KCNJ6: variants seen among roughly 807,000 people sequenced by gnomAD.
KCNJ6 encodes potassium inwardly rectifying channel subfamily J member 6.
In KCNJ6, 9 loss-of-function variants were observed where a neutral mutation model predicts 34.2. The ratio of observed to expected loss-of-function variants is 0.26; its 90% CI spans 0.16 to 0.46. The LOEUF is 0.46. KCNJ6 is among the 20% of genes least tolerant of loss of function. KCNJ6 has a pLI of 1.00. For missense variants in KCNJ6, 236 were observed against 531.3 expected (o/e 0.44, Z 5.46); for synonymous variants, 196 against 207.1 (o/e 0.95, Z 0.46).
At chr21:37,768,559 CCT>C (rs1486133439) in intron 2 of KCNJ6, among the ~76,000 whole-genome samples, 1 of 152,090 alleles carries the variant, frequency 6.6e-6, no homozygotes, top group Non-Finnish European at 1.5e-5. Context: ...ATTCATGAAC[CCT>C]CTCAGTTTTC....
rs545676300 is a variant in KCNJ6, at chr21:37,626,720, C to T, written c.947-1236G>A. The stretch of plus-strand genomic sequence containing the variant: ...CATTCATTCAGTCATTAATCCAGGG[C>T]TGACTTCTCCATTAGGCAAAAAGGC... On this transcript the variant is annotated intron_variant, in intron 3 of 3. Coordinates refer to ENST00000609713, the MANE Select transcript of KCNJ6 (RefSeq NM_002240.5). 1.1e-4 allele frequency among the ~76,000 whole-genome samples: 16 copies of T among 152,266 alleles called. No homozygotes were observed. The East Asian group carries it at 2.9e-3, about 28-fold the overall frequency.
intron 2 of KCNJ6, among the ~76,000 whole-genome samples, chr21:37,746,538 T>C (rs563945084): frequency 1.2e-4 from 18 of 152,296 alleles, no homozygotes; most frequent in Admixed American, 1.0e-3. Flanking sequence ...ATTGTTAAGA[T>C]AGGGGAGAGG....
At chr21:37,647,998 C>T (rs1301730569) in intron 3 of KCNJ6, among the ~76,000 whole-genome samples, 1 of 152,186 alleles carries the variant, frequency 6.6e-6, no homozygotes, top group Non-Finnish European at 1.5e-5. Flanking sequence ...CAGAATGTGT[C>T]AGAAGTCATG....
intron 2 of KCNJ6, among the ~76,000 whole-genome samples, chr21:37,735,124 C>T (rs1439046994): frequency 6.6e-6 from 1 of 152,150 alleles, no homozygotes; most frequent in East Asian, 1.9e-4. Context: ...CTCCCTTCCC[C>T]TTGCCTCAGT....
chr21:37,639,951 G>C (rs960029328), intron 3 of KCNJ6, among the ~76,000 whole-genome samples: 5 of 152,286 alleles, frequency 3.3e-5, no homozygotes, highest in Non-Finnish European at 7.3e-5. Flanking sequence ...AGAATCTGAT[G>C]CTATCATGCT....
intron 1 of KCNJ6, among the ~76,000 whole-genome samples, chr21:37,902,562 A>G (rs1269339739): frequency 6.6e-6 from 1 of 152,216 alleles, no homozygotes; most frequent in Non-Finnish European, 1.5e-5. Context: ...CACTTTAAGG[A>G]TTATAGAAAT....
intron 2 of KCNJ6, among the ~76,000 whole-genome samples, chr21:37,834,044 A>C (rs1327543768): frequency 6.6e-6 from 1 of 152,186 alleles, no homozygotes; most frequent in African/African-American, 2.4e-5. Context: ...AATTCATTTC[A>C]GATCCACTCT....
At chr21:37,821,526 T>C (rs897587524) in intron 2 of KCNJ6, among the ~76,000 whole-genome samples, 1 of 152,206 alleles carries the variant, frequency 6.6e-6, no homozygotes, top group African/African-American at 2.4e-5. Context: ...TAGCTATTTA[T>C]CCTGATGCTC....
intron 2 of KCNJ6, among the ~76,000 whole-genome samples, chr21:37,770,811 T>C (rs1053125945): frequency 2.6e-5 from 4 of 152,200 alleles, no homozygotes; most frequent in African/African-American, 9.7e-5. Context: ...TGAGGGGATA[T>C]ATTTGTATAT....
At chr21:37,778,964 C>T (rs953706964) in intron 2 of KCNJ6, among the ~76,000 whole-genome samples, 6 of 151,984 alleles carry the variant, frequency 3.9e-5, no homozygotes, top group African/African-American at 4.8e-5. Flanking sequence ...TGCACGTGAA[C>T]GGGCATTTGT....
intron 2 of KCNJ6, among the ~76,000 whole-genome samples, chr21:37,815,267 A>C (rs1226842002): frequency 1.3e-5 from 2 of 152,222 alleles, no homozygotes; most frequent in African/African-American, 4.8e-5. Flanking sequence ...CTAAAAGAGC[A>C]TTGCTGGATT....
In KCNJ6 at chr21:37,630,732, A is replaced by G. The variant is rs1212036331; in HGVS notation, c.947-5248T>C. On this transcript the variant is annotated intron_variant, in intron 3 of 3. Coordinates refer to ENST00000609713, the MANE Select transcript of KCNJ6 (RefSeq NM_002240.5). ...ATACGTGTATGTTGTGAAAAGGCTA[A>G]GTCTAGCTAATTAACATAGCCATTA... Among the ~76,000 whole-genome samples the G allele has an allele frequency of 2.0e-5, 3 of 152,244 alleles. No individual in the cohort carries two copies. The East Asian group carries it at 5.8e-4, about 29-fold the overall frequency.
intron 2 of KCNJ6, among the ~76,000 whole-genome samples, chr21:37,770,726 A>C (rs1568842491): frequency 6.6e-6 from 1 of 152,214 alleles, no homozygotes; most frequent in Admixed American, 6.6e-5. Context: ...GTCATGGAAG[A>C]AGGTAGTTAC....
chr21:37,658,477 G>C (rs150218603), intron 3 of KCNJ6, among the ~76,000 whole-genome samples: 14 of 152,348 alleles, frequency 9.2e-5, no homozygotes, highest in African/African-American at 2.9e-4. Context: ...CAGGCTAAGC[G>C]ATGTTAGCAG....
intron 3 of KCNJ6, among the ~76,000 whole-genome samples, chr21:37,698,533 T>C (rs910667067): frequency 1.4e-4 from 22 of 152,180 alleles, no homozygotes; most frequent in Admixed American, 5.9e-4. Context: ...GTTTTGACTT[T>C]TGTTGTTGTT....
chr21:37,823,404 T>C (rs750292637), intron 2 of KCNJ6, among the ~76,000 whole-genome samples: 16 of 152,184 alleles, frequency 1.1e-4, no homozygotes, highest in Non-Finnish European at 2.2e-4. Context: ...CCAACCCATA[T>C]GACATGGTTT....
intron 3 of KCNJ6, among the ~76,000 whole-genome samples, chr21:37,642,105 T>G (rs2054383388): frequency 6.6e-6 from 1 of 152,314 alleles, no homozygotes; most frequent in Non-Finnish European, 1.5e-5. Context: ...TGCAAGAATA[T>G]TGAGCAGGCC....
intron 1 of KCNJ6, among the ~76,000 whole-genome samples, chr21:37,878,420 C>T (rs2055689925): frequency 6.6e-6 from 1 of 152,218 alleles, no homozygotes; most frequent in South Asian, 2.1e-4. Flanking sequence ...TAGCAGTGTT[C>T]TGAGTTAGGC....
intron 2 of KCNJ6, among the ~76,000 whole-genome samples, chr21:37,802,324 G>A (rs951847716): frequency 4.6e-5 from 7 of 152,160 alleles, no homozygotes; most frequent in Non-Finnish European, 5.9e-5. Context: ...CCTGGGACCC[G>A]TGAATTTGTT....
Sources: allele counts gnomAD v4.1 joint callset (sites outside exome capture counted in the v4.1 genomes callset), GRCh38; gene constraint gnomAD v4.1.1; transcripts MANE v1.5; gene names NCBI Gene and HGNC (gene_info 2026-07-23, HGNC 2026-07-21).